The following LURAP1L variants were observed in gnomAD, a reference collection of about 807,000 sequenced individuals.
LURAP1L encodes leucine rich adaptor protein 1-like.
LURAP1L carries 12 observed loss-of-function variants against 13.8 expected under a neutral mutation model. That is an observed-to-expected ratio of 0.87 (90% CI 0.56 to 1.41). The LOEUF is 1.41. LURAP1L is among the 40% of genes most tolerant of loss of function. The pLI is 0.00. For synonymous variants in LURAP1L, 139 were observed against 119.2 expected, an observed-to-expected ratio of 1.17 and a Z score of -1.08; for missense variants, 375 against 292.9, an observed-to-expected ratio of 1.28 and a Z score of -2.04.
intron 1 of LURAP1L, among the ~76,000 whole-genome samples, chr9:12,803,693 A>C (rs1374234787): frequency 6.6e-6 from 1 of 152,226 alleles, no homozygotes; most frequent in Non-Finnish European, 1.5e-5. Context: ...GGAAATTGAT[A>C]TTTTAGGCAA....
chr9:12,799,184 T>A (rs541864549), intron 1 of LURAP1L, among the ~76,000 whole-genome samples: 1 of 152,314 alleles, frequency 6.6e-6, no homozygotes, highest in Non-Finnish European at 1.5e-5. Context: ...GGCCAAGTCA[T>A]CAAGCTTGTG....
At chr9:12,802,682 T>G (rs1446413311) in intron 1 of LURAP1L, among the ~76,000 whole-genome samples, 2 of 152,102 alleles carry the variant, frequency 1.3e-5, no homozygotes, top group African/African-American at 4.8e-5. Flanking sequence ...AGCACAGAAG[T>G]GGGTTAAAAC....
intron 1 of LURAP1L, chr9:12,790,849 GAAGA>G (rs1819431461): frequency 6.6e-6 from 1 of 151,502 alleles, no homozygotes. Flanking sequence ...TTTAGGATTA[GAAGA>G]AAGAACTTAC....
intron 1 of LURAP1L, among the ~76,000 whole-genome samples, chr9:12,803,846 G>A (rs554206303): frequency 6.6e-6 from 1 of 152,274 alleles, no homozygotes; most frequent in East Asian, 1.9e-4. Flanking sequence ...TTGATATCCT[G>A]TGGTGCCAGA....
intron 1 of LURAP1L, among the ~76,000 whole-genome samples, chr9:12,797,664 T>C (rs1266100605): frequency 6.6e-6 from 1 of 152,158 alleles, no homozygotes; most frequent in Non-Finnish European, 1.5e-5. Context: ...GAAAAGCTTT[T>C]GGATTTTATT....
At chr9:12,799,789 G>A (rs1253643484) in intron 1 of LURAP1L, among the ~76,000 whole-genome samples, 1 of 151,572 alleles carries the variant, frequency 6.6e-6, no homozygotes, top group African/African-American at 2.4e-5. Context: ...CAGGAGAATG[G>A]CGTGAACCTG....
In LURAP1L at chr9:12,775,503, G is replaced by A. The variant is rs767057443; in HGVS notation, c.-213G>A. 8.3e-6 allele frequency: 5 copies of A among 604,626 alleles called. No individual in the cohort carries two copies. The allele number at this position is 604,626 out of a possible 1,614,324, so 37.5% of individuals were successfully genotyped here. ...ATCTTAGTGTCGGAGGAGTCGCAGCGGACTGGGAACTGCAGCTGCGACCCC... is the reference window on the plus strand; with the variant it reads ...ATCTTAGTGTCGGAGGAGTCGCAGCAGACTGGGAACTGCAGCTGCGACCCC... On this transcript the variant is annotated 5_prime_UTR_variant, in exon 1 of 2. Transcript: ENST00000319264.
At position 12,807,965 on chromosome 9, in the gene LURAP1L, G is replaced by T. The variant is rs961467393; in HGVS notation, c.313-13421G>T. ...TTAAGTAATATTATACCACATCATG[G>T]TAGTACAAGTACTATATAAAACAGT... is the stretch of plus-strand genomic sequence containing the variant. On this transcript the variant is annotated intron_variant, in intron 1 of 1. Coordinates refer to ENST00000319264, the MANE Select transcript of LURAP1L (RefSeq NM_203403.2). Among the ~76,000 whole-genome samples the T allele has an allele frequency of 3.2e-4, 48 of 152,052 alleles. 1 individual carries two copies. Among genetic ancestry groups the T allele is most frequent in the African/African-American group, 1.2e-3 (48 of 41,500 alleles).
intron 1 of LURAP1L, among the ~76,000 whole-genome samples, chr9:12,799,873 CAAAA>C (rs58987082): frequency 2.4e-5 from 2 of 82,520 alleles, no homozygotes. Flanking sequence ...GACTCCGTCT[CAAAA>C]AAAAAAAAAA....
intron 1 of LURAP1L, among the ~76,000 whole-genome samples, chr9:12,781,651 G>A (rs187145579): frequency 5.8e-4 from 88 of 152,112 alleles, no homozygotes; most frequent in Admixed American, 2.0e-3. Flanking sequence ...TTCTTTATCC[G>A]TTTGTCTCTT....
chr9:12,794,513 A>C (rs1819486778), intron 1 of LURAP1L, among the ~76,000 whole-genome samples: 1 of 152,074 alleles, frequency 6.6e-6, no homozygotes, highest in South Asian at 2.1e-4. Flanking sequence ...AAAATGAGTT[A>C]AGTATATGCT....
chr9:12,814,486 G>A (rs1045960390), intron 1 of LURAP1L: 6 of 152,150 alleles, frequency 3.9e-5, no homozygotes, highest in Non-Finnish European at 1.5e-5. Context: ...AGTTTTCACT[G>A]TATTAGATTA....
At chr9:12,783,527 A>G (rs1299265963) in intron 1 of LURAP1L, among the ~76,000 whole-genome samples, 3 of 152,208 alleles carry the variant, frequency 2.0e-5, no homozygotes, top group East Asian at 3.9e-4. Flanking sequence ...TATGTTGAAC[A>G]GTCCTTGCAT....
intron 1 of LURAP1L, among the ~76,000 whole-genome samples, chr9:12,785,546 G>T (rs1819338312): frequency 6.6e-6 from 1 of 152,128 alleles, no homozygotes; most frequent in South Asian, 2.1e-4. Context: ...CTGACTTCTG[G>T]CATAGAAAAT....
chr9:12,777,150 A>C, intron 1 of LURAP1L: 2 of 681,196 alleles, frequency 2.9e-6, no homozygotes, highest in Non-Finnish European at 3.6e-6. Context: ...CTATCATTCT[A>C]TCGTTTAGTT....
At chr9:12,784,030 A>G (rs1819314787) in intron 1 of LURAP1L, among the ~76,000 whole-genome samples, 1 of 152,238 alleles carries the variant, frequency 6.6e-6, no homozygotes, top group Non-Finnish European at 1.5e-5. Context: ...TTGATTTTTA[A>G]AAATTATTTC....
At chr9:12,813,039 G>C (rs985765490) in intron 1 of LURAP1L, among the ~76,000 whole-genome samples, 3 of 151,928 alleles carry the variant, frequency 2.0e-5, no homozygotes, top group Non-Finnish European at 4.4e-5. Context: ...TTTTAATTAC[G>C]TCTAGAAAAA....
intron 1 of LURAP1L, among the ~76,000 whole-genome samples, chr9:12,798,254 C>T (rs925664892): frequency 3.9e-5 from 6 of 152,052 alleles, no homozygotes; most frequent in Non-Finnish European, 7.4e-5. Context: ...CATCATGTGC[C>T]ATCTGCTTCA....
chr9:12,782,257 T>G (rs558123528), intron 1 of LURAP1L, among the ~76,000 whole-genome samples: 2 of 152,356 alleles, frequency 1.3e-5, no homozygotes, highest in South Asian at 4.1e-4. Context: ...AGTTTTTAAC[T>G]TGATGTGATC....
Sources: allele counts gnomAD v4.1 joint callset (sites outside exome capture counted in the v4.1 genomes callset), GRCh38; gene constraint gnomAD v4.1.1; transcripts MANE v1.5; gene names NCBI Gene and HGNC (gene_info 2026-07-23, HGNC 2026-07-21).